The following GPR55 variants were observed in gnomAD, a reference collection of about 807,000 sequenced individuals.
GPR55 encodes the protein G protein-coupled receptor 55.
In GPR55, 6 loss-of-function variants were observed where a neutral mutation model predicts 7.9. The observed-to-expected ratio is 0.76, with a 90% confidence interval of 0.41 to 1.49. GPR55 has a LOEUF of 1.49. Among genes scored for constraint, GPR55 ranks in the 40% most tolerant of loss-of-function variants. GPR55 has a pLI of 0.01. For missense variants in GPR55, 376 were observed against 406.0 expected, an observed-to-expected ratio of 0.93 and a Z score of 0.63; for synonymous variants, 183 against 166.8, an observed-to-expected ratio of 1.10 and a Z score of -0.75.
chr2:230,949,714 C>A (rs1691370625), intron 1 of GPR55, among the ~76,000 whole-genome samples: 2 of 152,166 alleles, frequency 1.3e-5, no homozygotes, highest in African/African-American at 4.8e-5. Context: ...TTTCTGGAGG[C>A]TGTATGCTGT....
In GPR55 at chr2:230,912,596, C is replaced by T. The variant is rs181974674; in HGVS notation, c.-134-1500G>A. On this transcript the variant is annotated intron_variant, in intron 1 of 1. Transcript: ENST00000650999. ...AGGCATGCACCACCACGCTCACCAC[C>T]CCTGGCTAATTTTTTGTATTTTTAG... is the stretch of plus-strand genomic sequence containing the variant. Among the ~76,000 whole-genome samples, 455 of 151,980 alleles carry T rather than the reference C, an allele frequency of 3.0e-3. 3 individuals carry two copies. Among genetic ancestry groups the T allele is most frequent in the Middle Eastern group, 0.027 (8 of 294 alleles).
At chr2:230,957,486 T>C in intron 1 of GPR55, 1 of 353,940 alleles carries the variant, frequency 2.8e-6, no homozygotes, top group Non-Finnish European at 5.4e-6. Context: ...CAGCGCGTGA[T>C]TTAAAACTTG....
At chr2:230,932,679 G>A (rs965104144) in intron 1 of GPR55, among the ~76,000 whole-genome samples, 4 of 152,154 alleles carry the variant, frequency 2.6e-5, no homozygotes, top group Non-Finnish European at 5.9e-5. Context: ...AGCTGTGCCT[G>A]CATGAGCCCC....
intron 1 of GPR55, among the ~76,000 whole-genome samples, chr2:230,945,243 G>C (rs1691292120): frequency 6.6e-6 from 1 of 152,178 alleles, no homozygotes; most frequent in Admixed American, 6.5e-5. Context: ...GTGTGTGGTT[G>C]GGATTTGAGG....
At chr2:230,914,232 C>T (rs1347267073) in intron 1 of GPR55, among the ~76,000 whole-genome samples, 2 of 152,160 alleles carry the variant, frequency 1.3e-5, no homozygotes, top group Non-Finnish European at 2.9e-5. Flanking sequence ...ACCTCAGGTG[C>T]TGGGATGAGT....
Position 230,910,911 on chromosome 2 carries a change from G to T in GPR55, c.52C>A (p.Leu18Met). ...GDCLFDGVNE[L>M]MKTLQFAVHI... ...ACTGCAAACTGTAGGGTTTTCATCA[G>T]CTCGTTGACACCGTCAAACAGGCAG... Residue 18 changes from leucine (L) to methionine (M), a missense_variant, in exon 2 of 2, where the codon CTG becomes ATG. Coordinates refer to ENST00000650999, the MANE Select transcript of GPR55 (RefSeq NM_005683.4). The surrounding 1 kb of genome is among the most constrained non-coding windows in gnomAD (Gnocchi z 5.4). 4 of 1,611,854 alleles carry T rather than the reference G, an allele frequency of 2.5e-6. No homozygotes were observed. The highest frequency in any genetic ancestry group is 3.4e-6 in the Non-Finnish European group (4 of 1,178,008).
intron 1 of GPR55, among the ~76,000 whole-genome samples, chr2:230,932,289 A>T (rs1421353759): frequency 6.6e-6 from 1 of 151,930 alleles, no homozygotes; most frequent in African/African-American, 2.4e-5. Flanking sequence ...AAGATTAAAA[A>T]CTCATTCCCT....
chr2:230,910,664 A>C lies in GPR55; in HGVS notation c.299T>G (p.Leu100Arg). The C allele has an allele frequency of 1.2e-6, 2 of 1,613,704 alleles. No homozygotes were observed. Among genetic ancestry groups the C allele is most frequent in the Non-Finnish European group, 1.7e-6 (2 of 1,179,796 alleles). ...GCTTCCGTACATGCTGACGAAGTAA[A>C]GGCACTCCACCAGGGTGCACAGGGA... ...FPSLCTLVEC[L>R]YFVSMYGSVF... Residue 100 changes from leucine (L) to arginine (R), a missense_variant, in exon 2 of 2, where the codon CTT becomes CGT. Transcript: ENST00000650999. The surrounding 1 kb of genome is among the most constrained non-coding windows in gnomAD (Gnocchi z 5.4).
chr2:230,914,168 T>C lies in GPR55; in HGVS notation c.-134-3072A>G, dbSNP rs1379045645. Among the ~76,000 whole-genome samples the C allele has an allele frequency of 2.0e-5, 3 of 152,160 alleles. No homozygotes were observed. The South Asian group carries it at 6.2e-4, about 32-fold the overall frequency. On this transcript the variant is annotated intron_variant, in intron 1 of 1. Coordinates refer to ENST00000650999, the MANE Select transcript of GPR55 (RefSeq NM_005683.4). ...ACCCAGACACAGTGTGTGGCTGAAT[T>C]GGGGGAACAAACGAATAACAACGGG...
At chr2:230,913,406 G>A (rs778253578) in intron 1 of GPR55, among the ~76,000 whole-genome samples, 4 of 152,160 alleles carry the variant, frequency 2.6e-5, no homozygotes, top group East Asian at 1.9e-4. Context: ...ATAGATAGAT[G>A]TTTATAGGTT....
At chr2:230,914,776 G>C (rs1421128483) in intron 1 of GPR55, among the ~76,000 whole-genome samples, 1 of 152,240 alleles carries the variant, frequency 6.6e-6, no homozygotes, top group Non-Finnish European at 1.5e-5. Flanking sequence ...CAATGGTACT[G>C]TAGTTGGCTG....
chr2:230,945,429 A>G (rs1213619054), intron 1 of GPR55, among the ~76,000 whole-genome samples: 1 of 152,204 alleles, frequency 6.6e-6, no homozygotes, highest in Admixed American at 6.5e-5. Context: ...AGGGGAAAAA[A>G]AAAGGGGTGA....
chr2:230,958,989 A>C (rs1463591072), intron 1 of GPR55, among the ~76,000 whole-genome samples: 2 of 152,236 alleles, frequency 1.3e-5, no homozygotes, highest in African/African-American at 4.8e-5. Context: ...GAACTCTCCC[A>C]CTGGAAATAC....
At chr2:230,939,109 T>A (rs1487980768) in intron 1 of GPR55, among the ~76,000 whole-genome samples, 4 of 152,070 alleles carry the variant, frequency 2.6e-5, no homozygotes, top group Non-Finnish European at 5.9e-5. Context: ...ACCCTAGACT[T>A]CTCCTTTGTC....
Position 230,944,137 on chromosome 2 carries a change from A to T in GPR55, c.-135+16638T>A, listed in dbSNP as rs946590607. ...TGCCATTCATTACACACACAACAGC[A>T]TCTTGGTCCCAGATGCCGGGTCCCA... On this transcript the variant is annotated intron_variant, in intron 1 of 1. Coordinates refer to the GPR55 transcript ENST00000392039. The surrounding 1 kb of genome is among the most constrained non-coding windows in gnomAD (Gnocchi z 4.2). 3.3e-5 allele frequency among the ~76,000 whole-genome samples: 5 copies of T among 152,174 alleles called. No individual in the cohort carries two copies. Among genetic ancestry groups the T allele is most frequent in the East Asian group, 3.8e-4 (2 of 5,196 alleles).
intron 1 of GPR55, among the ~76,000 whole-genome samples, chr2:230,947,503 C>CTTTT (rs1324311132): frequency 7.4e-6 from 1 of 135,350 alleles, no homozygotes; most frequent in Admixed American, 7.4e-5. Context: ...ACTTTATGAC[C>CTTTT]TTTTTTTTTT....
chr2:230,920,827 G>A (rs946324416), intron 1 of GPR55, among the ~76,000 whole-genome samples: 3 of 149,882 alleles, frequency 2.0e-5, no homozygotes, highest in African/African-American at 7.5e-5. Flanking sequence ...ATAGAAAACA[G>A]AGGGGCAACC....
intron 1 of GPR55, among the ~76,000 whole-genome samples, chr2:230,956,847 C>G (rs558210988): frequency 6.6e-6 from 1 of 152,066 alleles, no homozygotes; most frequent in South Asian, 2.1e-4. Context: ...CGTTGACATT[C>G]TTGGAGAGCC....
intron 1 of GPR55, among the ~76,000 whole-genome samples, chr2:230,945,028 C>A (rs894596379): frequency 6.6e-6 from 1 of 152,242 alleles, no homozygotes; most frequent in South Asian, 2.1e-4. Flanking sequence ...CACTGCGGGG[C>A]TGGGAGCTGC....
Sources: allele counts gnomAD v4.1 joint callset (sites outside exome capture counted in the v4.1 genomes callset), GRCh38; gene constraint gnomAD v4.1.1; non-coding constraint Gnocchi (gnomAD v3.1); transcripts MANE v1.5; gene names NCBI Gene and HGNC (gene_info 2026-07-23, HGNC 2026-07-21).